Variants in AGT observed in about 807,000 individuals in gnomAD.
AGT encodes angiotensinogen.
Under a neutral mutation model 28.1 loss-of-function variants are expected in AGT, and 26 were observed. The observed-to-expected ratio is 0.92, with a 90% CI of 0.68 to 1.28. The LOEUF is 1.28. AGT is among the 50% of genes most tolerant of loss of function. The pLI, the probability that AGT is intolerant of heterozygous loss-of-function variation, is 0.00. For synonymous variants in AGT, 259 were observed against 259.6 expected, an observed-to-expected ratio of 1.00 and a Z score of 0.02; for missense variants, 596 against 592.3, an observed-to-expected ratio of 1.01 and a Z score of -0.06.
At chr1:230,732,867 G>C (rs1227818221) in intron 1 of AGT, among the ~76,000 whole-genome samples, 1 of 152,190 alleles carries the variant, frequency 6.6e-6, no homozygotes, top group Non-Finnish European at 1.5e-5. Context: ...ACATAGTTCA[G>C]ATCTGTGTTG....
At chr1:230,705,637 A>C (rs1030254375) in intron 3 of AGT, among the ~76,000 whole-genome samples, 2 of 152,238 alleles carry the variant, frequency 1.3e-5, no homozygotes, top group Admixed American at 6.5e-5. Flanking sequence ...GCGGATTGCA[A>C]TGTTTTCTCC....
Position 230,710,134 on chromosome 1 carries a change from C to T in AGT, c.690G>A (p.Leu230=), listed in dbSNP as rs1663531543. 3 of 1,614,174 alleles carry T rather than the reference C, an allele frequency of 1.9e-6. No homozygotes were observed. Among genetic ancestry groups the T allele is most frequent in the Non-Finnish European group, 2.5e-6 (3 of 1,180,036 alleles). Residue 230 remains leucine, a synonymous_variant, in exon 2 of 5, where the codon CTG becomes CTA. Coordinates refer to ENST00000366667, the MANE Select transcript of AGT (RefSeq NM_001384479.1). ...CAGCAACATCCAGTTCTGTGAAGTC[C>T]AGAGAGCGTGGGAGGACCACAGGGG... is the stretch of plus-strand genomic sequence containing the variant. ...LYTPVVLPRS[L]DFTELDVAAE... is the part of the protein sequence containing the mutation.
At chr1:230,729,636 C>G (rs1664013716) in intron 1 of AGT, among the ~76,000 whole-genome samples, 1 of 152,162 alleles carries the variant, frequency 6.6e-6, no homozygotes, top group Admixed American at 6.5e-5. Flanking sequence ...TGCCTCCAAG[C>G]TGCAAAACTG....
chr1:230,726,361 C>T (rs1010577542), intron 1 of AGT, among the ~76,000 whole-genome samples: 3 of 151,990 alleles, frequency 2.0e-5, no homozygotes, highest in African/African-American at 4.8e-5. Context: ...GCATTTTGTC[C>T]TCAGATACAG....
chr1:230,705,979 T>C lies in AGT; in HGVS notation c.1051A>G (p.Thr351Ala). The change falls in exon 3 of 5, where the codon ACT (threonine) becomes GCT (alanine). Residue 351 changes from threonine (T) to alanine (A), a missense_variant. Physicochemically the swap from Thr to Ala is moderately conservative, Grantham distance 58. Transcript: ENST00000366667. The stretch of plus-strand genomic sequence containing the variant: ...CAGTTGAGGGAGTTTTGCTGGAAAG[T>C]GAGACCCTCCACCTTGTCCAGGTCA... ...ASDLDKVEGL[T>A]FQQNSLNWMK... is the part of the protein sequence containing the mutation. 1 of 1,614,056 alleles carries C rather than the reference T, an allele frequency of 6.2e-7. No individual in the cohort carries two copies. Among genetic ancestry groups the C allele is most frequent in the Non-Finnish European group, 8.5e-7 (1 of 1,179,994 alleles).
chr1:230,724,633 C>G (rs181073076), intron 1 of AGT, among the ~76,000 whole-genome samples: 9 of 152,086 alleles, frequency 5.9e-5, no homozygotes, highest in African/African-American at 2.2e-4. Flanking sequence ...AGACCAGCTT[C>G]AGCAACATGG....
At chr1:230,739,326 G>A (rs557921417) in intron 1 of AGT, among the ~76,000 whole-genome samples, 1 of 151,884 alleles carries the variant, frequency 6.6e-6, no homozygotes, top group African/African-American at 2.4e-5. Context: ...CTGCACTCCA[G>A]CAGTGTCTCT....
intron 1 of AGT, among the ~76,000 whole-genome samples, chr1:230,730,604 G>C (rs185882419): frequency 6.6e-6 from 1 of 152,120 alleles, no homozygotes; most frequent in African/African-American, 2.4e-5. Context: ...GTGTCTGCTT[G>C]GCTCCATAAG....
chr1:230,717,166 C>T (rs1663753689), upstream of AGT, among the ~76,000 whole-genome samples: 1 of 151,212 alleles, frequency 6.6e-6, no homozygotes, highest in Non-Finnish European at 1.5e-5. Flanking sequence ...CTCAGCAAAG[C>T]AATTGTTTAA....
chr1:230,711,725 C>T lies in AGT; in HGVS notation c.-30-872G>A, dbSNP rs115394976. On this transcript the variant is annotated intron_variant, in intron 1 of 4. Transcript: ENST00000366667. ...CCAGCTCTCAACCATCCCTGCATAG[C>T]GCTATCCCCTGCAGAGCCCCAAAGG... Among the ~76,000 whole-genome samples the T allele has an allele frequency of 2.2e-3, 336 of 151,856 alleles. 5 individuals carry two copies. In the East Asian group the frequency reaches 0.04, roughly 18 times the overall value.
At chr1:230,723,488 T>C (rs556055013) in intron 1 of AGT, among the ~76,000 whole-genome samples, 2 of 152,356 alleles carry the variant, frequency 1.3e-5, no homozygotes, top group South Asian at 4.1e-4. Context: ...CTTTGCTTTT[T>C]ACAATTGTTT....
chr1:230,732,256 C>T (rs943032357), intron 1 of AGT, among the ~76,000 whole-genome samples: 1 of 152,168 alleles, frequency 6.6e-6, no homozygotes, highest in African/African-American at 2.4e-5. Context: ...CCACCATGGC[C>T]TCCCAAAGAG....
Position 230,703,031 on chromosome 1 carries a change from C to G in AGT, c.*110G>C, listed in dbSNP as rs960460997. The G allele has an allele frequency of 8.1e-7, 1 of 1,236,328 alleles. No individual in the cohort carries two copies. Among genetic ancestry groups the G allele is most frequent in the Non-Finnish European group, 1.1e-6 (1 of 881,538 alleles). The allele number at this position is 1,236,328 out of a possible 1,614,324, so 76.6% of individuals were successfully genotyped here. A position where few individuals can be genotyped will look rare whatever the true frequency, so the allele number is the denominator to read the frequency against. ...ACTCATTAGAAGAAAAGGTGGGAGA[C>G]TGGGGGTGACACATCGCTGATTTGT... On this transcript the variant is annotated 3_prime_UTR_variant, in exon 5 of 5. Coordinates refer to ENST00000366667, the MANE Select transcript of AGT (RefSeq NM_001384479.1).
chr1:230,705,002 A>T (rs972227484), intron 3 of AGT, among the ~76,000 whole-genome samples: 16 of 152,214 alleles, frequency 1.1e-4, no homozygotes, highest in African/African-American at 3.6e-4. Flanking sequence ...GCAATGGAAT[A>T]TTATTCAGCC....
At chr1:230,740,316 G>A (rs775993028) in intron 1 of AGT, among the ~76,000 whole-genome samples, 56 of 152,078 alleles carry the variant, frequency 3.7e-4, no homozygotes, top group Non-Finnish European at 7.4e-5. Context: ...TTATCAGTGG[G>A]TTCTTTGTGA....
At chr1:230,744,792 G>A (rs1371284377) in intron 1 of AGT, among the ~76,000 whole-genome samples, 7 of 152,202 alleles carry the variant, frequency 4.6e-5, no homozygotes, top group Admixed American at 4.6e-4. Context: ...CCCTGAAGCT[G>A]GGAGTGGGTC....
At chr1:230,732,309 C>T (rs137889960) in intron 1 of AGT, among the ~76,000 whole-genome samples, 6 of 152,092 alleles carry the variant, frequency 3.9e-5, no homozygotes, top group Non-Finnish European at 7.4e-5. Context: ...CCACAGTGAG[C>T]ATTTGGAGGG....
chr1:230,706,632 G>A (rs554203727), intron 2 of AGT, among the ~76,000 whole-genome samples: 1 of 152,116 alleles, frequency 6.6e-6, no homozygotes. Flanking sequence ...CAGCAAAATC[G>A]AGCAGAAAGT....
intron 1 of AGT, among the ~76,000 whole-genome samples, chr1:230,731,686 T>C (rs1346966355): frequency 6.6e-6 from 1 of 152,058 alleles, no homozygotes; most frequent in African/African-American, 2.4e-5. Context: ...GCCAACATGG[T>C]GAAACCCCGT....
Sources: allele counts gnomAD v4.1 joint callset (sites outside exome capture counted in the v4.1 genomes callset), GRCh38; gene constraint gnomAD v4.1.1; transcripts MANE v1.5; gene names NCBI Gene and HGNC (gene_info 2026-07-23, HGNC 2026-07-21).